The following DOCK1 variants were observed in gnomAD, a reference collection of about 807,000 sequenced individuals.
DOCK1 encodes dedicator of cytokinesis protein 1.
A neutral mutation model predicts 262.7 loss-of-function variants in DOCK1; 138 were observed. That is an observed-to-expected ratio of 0.53 (90% CI 0.46 to 0.61). The LOEUF (loss-of-function observed/expected upper bound fraction) is 0.61, where lower values mean the gene tolerates loss of function less well. Ranked by LOEUF, DOCK1 falls within the 20% of genes least tolerant of loss-of-function variation. The pLI is 0.00. For missense variants in DOCK1, 1,908 were observed against 2,370.7 expected (o/e 0.80, Z 4.05); for synonymous variants, 866 against 867.4 (o/e 1.00, Z 0.03).
intron 41 of DOCK1, 42 bp from the exon 42 acceptor site, chr10:127,409,271 A>T (rs1230658640): frequency 5.0e-6 from 8 of 1,612,948 alleles, no homozygotes; most frequent in Non-Finnish European, 5.9e-6. Context: ...CTCATGGTTG[A>T]TGTCTATGCT....
At chr10:127,334,624 TGAC>T (rs944250885) in intron 29 of DOCK1, among the ~76,000 whole-genome samples, 1 of 152,222 alleles carries the variant, frequency 6.6e-6, no homozygotes, top group Admixed American at 6.5e-5. Flanking sequence ...CTTTTTAGGT[TGAC>T]ATAATTTGCC....
intron 29 of DOCK1, among the ~76,000 whole-genome samples, chr10:127,277,936 A>C (rs548935963): frequency 7.1e-6 from 1 of 141,606 alleles, no homozygotes; most frequent in African/African-American, 2.5e-5. Flanking sequence ...CTTTCTTTTC[A>C]TAGCCCTATT....
At chr10:126,964,743 G>C (rs1448177874) in intron 1 of DOCK1, among the ~76,000 whole-genome samples, 1 of 152,184 alleles carries the variant, frequency 6.6e-6, no homozygotes, top group African/African-American at 2.4e-5. Flanking sequence ...TTGATGCTTT[G>C]GGGAGGCTAT....
chr10:127,341,830 A>C (rs1283732616), intron 30 of DOCK1, among the ~76,000 whole-genome samples: 1 of 152,062 alleles, frequency 6.6e-6, no homozygotes, highest in Admixed American at 6.5e-5. Context: ...TTGTTTGAGG[A>C]GGGTTTAGCA....
chr10:127,393,574 G>A (rs898408681), intron 38 of DOCK1, among the ~76,000 whole-genome samples: 4 of 152,078 alleles, frequency 2.6e-5, no homozygotes, highest in Admixed American at 1.3e-4. Context: ...TGTGCTCCCC[G>A]GGAGAGTGGG....
At chr10:127,193,913 T>C (rs1274654935) in intron 27 of DOCK1, among the ~76,000 whole-genome samples, 2 of 152,192 alleles carry the variant, frequency 1.3e-5, no homozygotes, top group African/African-American at 4.8e-5. Context: ...GACATGGAGC[T>C]TCCCAGCTTT....
intron 6 of DOCK1, among the ~76,000 whole-genome samples, chr10:126,994,514 T>G (rs1357553342): frequency 6.6e-6 from 1 of 152,118 alleles, no homozygotes; most frequent in African/African-American, 2.4e-5. Flanking sequence ...TAGGGAGTGG[T>G]GGTGACTCTT....
chr10:127,420,976 G>A (rs1263258326), intron 46 of DOCK1, among the ~76,000 whole-genome samples: 4 of 151,964 alleles, frequency 2.6e-5, no homozygotes, highest in Non-Finnish European at 4.4e-5. Flanking sequence ...GAGTGCAGTA[G>A]CGTGACCTCA....
At chr10:127,204,306 A>G (rs1294102212) in intron 27 of DOCK1, among the ~76,000 whole-genome samples, 2 of 152,124 alleles carry the variant, frequency 1.3e-5, no homozygotes. Flanking sequence ...TTTGGTTTTG[A>G]GATGGAGTCT....
chr10:127,399,909 A>T (rs1222615653), intron 38 of DOCK1, among the ~76,000 whole-genome samples: 1 of 152,170 alleles, frequency 6.6e-6, no homozygotes, highest in African/African-American at 2.4e-5. Flanking sequence ...CTGGCAGAGG[A>T]CATACGAAAG....
At chr10:127,127,577 C>T (rs2050041723) in intron 26 of DOCK1, 92 bp from the exon 27 acceptor site, 3 of 999,814 alleles carry the variant, frequency 3.0e-6, no homozygotes, top group African/African-American at 1.6e-5. Context: ...TTGATTTACT[C>T]TTTACAGGGT....
At chr10:126,911,724 T>G (rs1411236789) in intron 1 of DOCK1, among the ~76,000 whole-genome samples, 1 of 152,182 alleles carries the variant, frequency 6.6e-6, no homozygotes, top group South Asian at 2.1e-4. Flanking sequence ...TGGATGGTAC[T>G]GTGGGCTTTG....
intron 29 of DOCK1, among the ~76,000 whole-genome samples, chr10:127,274,916 C>G (rs1330556098): frequency 2.6e-5 from 4 of 152,140 alleles, no homozygotes; most frequent in South Asian, 2.1e-4. Flanking sequence ...CTAAAATGTT[C>G]TTTACCCTCC....
intron 29 of DOCK1, among the ~76,000 whole-genome samples, chr10:127,260,651 A>C (rs534740654): frequency 1.4e-5 from 2 of 142,750 alleles, no homozygotes; most frequent in African/African-American, 5.3e-5. Context: ...ACCCGTGCTC[A>C]TCTGTGTGTG....
chr10:127,439,639 G>T (rs2069949232), intron 49 of DOCK1, among the ~76,000 whole-genome samples: 1 of 152,136 alleles, frequency 6.6e-6, no homozygotes, highest in African/African-American at 2.4e-5. Context: ...GCTAGTTACG[G>T]CCCAAGTGTT....
chr10:127,188,690 TAGCCCAGAACTCTGGGCA>T (rs1271209872), intron 27 of DOCK1, among the ~76,000 whole-genome samples: 12 of 152,176 alleles, frequency 7.9e-5, no homozygotes, highest in Admixed American at 2.6e-4. Flanking sequence ...CTCCACTTAA[TAGCCCAGAACTCTGGGCA>T]AGTGATCTAA....
chr10:127,444,399 TAAA>T (rs1372897344), intron 50 of DOCK1, 120 bp downstream of exon 50: 1 of 1,277,886 alleles, frequency 7.8e-7, no homozygotes, highest in African/African-American at 1.5e-5. Context: ...GGAGTTTAGA[TAAA>T]CACCTGGCTC....
intron 27 of DOCK1, among the ~76,000 whole-genome samples, chr10:127,151,299 A>G (rs1380810739): frequency 6.6e-6 from 1 of 152,150 alleles, no homozygotes; most frequent in Non-Finnish European, 1.5e-5. Context: ...ACACTAGTTT[A>G]TTTCATTGAC....
intron 29 of DOCK1, among the ~76,000 whole-genome samples, chr10:127,329,497 G>T (rs1356116434): frequency 1.3e-5 from 2 of 151,346 alleles, no homozygotes; most frequent in African/African-American, 4.9e-5. Flanking sequence ...AGAGGTCTCT[G>T]GGGTGAGCAG....
Sources: allele counts gnomAD v4.1 joint callset (sites outside exome capture counted in the v4.1 genomes callset), GRCh38; gene constraint gnomAD v4.1.1; transcripts MANE v1.5; gene names NCBI Gene and HGNC (gene_info 2026-07-23, HGNC 2026-07-21).